The following FERMT3 variants were observed in gnomAD, a reference collection of about 807,000 sequenced individuals.
FERMT3 encodes the protein FERM domain containing kindlin 3.
In FERMT3, 33 loss-of-function variants were observed where a neutral mutation model predicts 80.8. The observed-to-expected ratio is 0.41, with a 90% CI of 0.31 to 0.55. The LOEUF is 0.55. FERMT3 is among the 20% of genes least tolerant of loss of function. FERMT3 has a pLI of 0.31. For missense variants in FERMT3, 754 were observed against 908.7 expected (o/e 0.83, Z 2.19); for synonymous variants, 375 against 372.2 (o/e 1.01, Z -0.09).
chr11:64,222,956 G>A, intron 13 of FERMT3, 92 bp from the exon 14 acceptor site: 1 of 1,561,132 alleles, frequency 6.4e-7, no homozygotes. Flanking sequence ...CAGTCGGGAA[G>A]GGCTGGCTCT....
chr11:64,216,522 C>A (rs1259863895), intron 6 of FERMT3, among the ~76,000 whole-genome samples: 1 of 138,564 alleles, frequency 7.2e-6, no homozygotes, highest in African/African-American at 2.6e-5. Context: ...TTTCGCCGGG[C>A]GCGGTGGCTC....
intron 6 of FERMT3, among the ~76,000 whole-genome samples, chr11:64,216,632 T>TA (rs1946557197): frequency 6.7e-6 from 1 of 150,264 alleles, no homozygotes; most frequent in Non-Finnish European, 1.5e-5. Context: ...CTGTCTCTAC[T>TA]AAAAATACAA....
In FERMT3 at chr11:64,219,823, G is replaced by A; in HGVS notation, c.1079+34G>A. 1.9e-6 allele frequency: 3 copies of A among 1,614,012 alleles called. No individual in the cohort carries two copies. The highest frequency in any genetic ancestry group is 2.5e-6 in the Non-Finnish European group (3 of 1,180,022). On this transcript the variant is annotated intron_variant, in intron 9 of 14. Coordinates refer to ENST00000345728, the MANE Select transcript of FERMT3 (RefSeq NM_031471.6). The surrounding 1 kb of genome is among the most constrained non-coding windows in gnomAD (Gnocchi z 4.0). ...GGGGCCAGAGTAGGCAGCCCTGCTG[G>A]AGGGGTTGGTCTGCATATGGAGGGA...
chr11:64,220,887 TGGC>T (rs1742308620), intron 12 of FERMT3, 126 bp from the exon 13 acceptor site: 2 of 1,521,770 alleles, frequency 1.3e-6, no homozygotes, highest in South Asian at 1.2e-5. Flanking sequence ...ATCTGCACCT[TGGC>T]GGCCCCACGT....
At chr11:64,208,026 C>A (rs1424676723) in intron 2 of FERMT3, 1 of 153,632 alleles carries the variant, frequency 6.5e-6, no homozygotes, top group African/African-American at 2.4e-5. Flanking sequence ...TCCTCATCTT[C>A]CTTCCCTGCC....
chr11:64,211,077 C>T lies in FERMT3; in HGVS notation c.420C>T (p.Ser140=), dbSNP rs946464170. 4 of 1,590,220 alleles carry T rather than the reference C, an allele frequency of 2.5e-6. No individual in the cohort carries two copies. Among genetic ancestry groups the T allele is most frequent in the African/African-American group, 2.7e-5 (2 of 74,228 alleles). ...LLSIRHPEEL[S]LLRAPEKKEK... ...GCATCCGGCACCCCGAGGAGCTGTC[C>T]CTGCTCCGGGCTCCTGAGAAGAAGG... Residue 140 remains serine (S), a synonymous_variant, in exon 4 of 15, where the codon TCC becomes TCT. Transcript: ENST00000345728. The surrounding 1 kb of genome is among the most constrained non-coding windows in gnomAD (Gnocchi z 4.7).
chr11:64,220,918 A>G, intron 12 of FERMT3, 98 bp from the exon 13 acceptor site: 1 of 1,564,892 alleles, frequency 6.4e-7, no homozygotes. Context: ...GCCCCTTCCC[A>G]GGCTCACATG....
intron 12 of FERMT3, 161 bp from the exon 13 acceptor site, chr11:64,220,855 C>A: frequency 7.0e-7 from 1 of 1,425,344 alleles, no homozygotes; most frequent in Non-Finnish European, 9.7e-7. Context: ...CCATGTCCAC[C>A]TTGCAGCCTG....
intron 6 of FERMT3, among the ~76,000 whole-genome samples, chr11:64,216,403 A>G (rs1456455450): frequency 4.1e-5 from 6 of 144,798 alleles, no homozygotes; most frequent in African/African-American, 1.5e-4. Flanking sequence ...GTTTCACCAC[A>G]TTGGCCAGGC....
At position 64,223,162 on chromosome 11, in the gene FERMT3, G is replaced by A. The variant is rs1946754505; in HGVS notation, c.1785G>A (p.Gln595=). ...CCTGGCGTTTCAGCAACATGCGCCA[G>A]TGGAATGTCAACTGGGACATCCGGC... The part of the protein sequence containing the change: ...VKTWRFSNMR[Q]WNVNWDIRQV... Residue 595 remains glutamine, a synonymous_variant, in exon 14 of 15, where the codon CAG becomes CAA. Transcript: ENST00000345728. 1 of 1,613,786 alleles carries A rather than the reference G, an allele frequency of 6.2e-7. No homozygotes were observed. Among genetic ancestry groups the A allele is most frequent in the Non-Finnish European group, 8.5e-7 (1 of 1,180,056 alleles).
Position 64,211,526 on chromosome 11 carries a change from A to T in FERMT3, c.683+83A>T, listed in dbSNP as rs1946439472. 26 of 1,510,314 alleles carry T rather than the reference A, an allele frequency of 1.7e-5. No homozygotes were observed. In the South Asian group the frequency reaches 3.1e-4, roughly 18 times the overall value. The allele number at this position is 1,510,314 out of a possible 1,614,324, so 93.6% of individuals were successfully genotyped here. On this transcript the variant is annotated intron_variant, in intron 5 of 14. Coordinates refer to ENST00000345728, the MANE Select transcript of FERMT3 (RefSeq NM_031471.6). This position sits in a 1 kb window ranked among gnomAD's most constrained non-coding sequence, Gnocchi z 4.7. ...TGTCCCGTGTCTGTGCCCACCCCAG[A>T]TCCACACTTCGTTTCCAGGCCTTTT...
rs759997761 is a variant in FERMT3 at position 64,207,426 on chromosome 11, T to C, written c.62T>C (p.Phe21Ser). 2 of 1,613,990 alleles carry C rather than the reference T, an allele frequency of 1.2e-6. No individual in the cohort carries two copies. The highest frequency in any genetic ancestry group is 1.1e-5 in the South Asian group (1 of 91,070). ...YIDSSWELRV[F>S]VGEEDPEAES... ...GACTCGTCATGGGAGCTGCGGGTGT[T>C]TGTGGGAGAGGAGGACCCAGAGGCC... The change falls in exon 2 of 15, where the codon TTT (phenylalanine) becomes TCT (serine). Residue 21 changes from phenylalanine to serine, a missense_variant. By Grantham distance (155) the Phe-to-Ser change is radical. Transcript: ENST00000345728.
At chr11:64,221,430 A>G (rs1946678628) in intron 13 of FERMT3, among the ~76,000 whole-genome samples, 2 of 151,586 alleles carry the variant, frequency 1.3e-5, no homozygotes, top group South Asian at 4.2e-4. Flanking sequence ...GGAGTTTGAG[A>G]CCAGCCTGGG....
At position 64,207,395 on chromosome 11, in the gene FERMT3, T is replaced by A. The variant is rs1484455414; in HGVS notation, c.31T>A (p.Tyr11Asn). The A allele has an allele frequency of 6.2e-6, 10 of 1,614,034 alleles. 1 individual carries two copies. The Admixed American group carries it at 1.7e-4, about 27-fold the overall frequency. ...GGGGATGAAGACAGCCTCCGGGGACTACATCGACTCGTCATGGGAGCTGCG... is the reference window on the plus strand; with the variant it reads ...GGGGATGAAGACAGCCTCCGGGGACAACATCGACTCGTCATGGGAGCTGCG... MAGMKTASGDYIDSSWELRVF... is the reference protein window; with the variant it reads MAGMKTASGDNIDSSWELRVF... Residue 11 changes from tyrosine to asparagine, a missense_variant, in exon 2 of 15, where the codon TAC (tyrosine) becomes AAC (asparagine). Physicochemically the swap from Tyr to Asn is moderately radical, Grantham distance 143 (BLOSUM62 -2). Coordinates refer to ENST00000345728, the MANE Select transcript of FERMT3 (RefSeq NM_031471.6).
chr11:64,219,684 T>C lies in FERMT3; in HGVS notation c.1029+26T>C. 1 of 1,613,810 alleles carries C rather than the reference T, an allele frequency of 6.2e-7. No individual in the cohort carries two copies. The highest frequency in any genetic ancestry group is 8.5e-7 in the Non-Finnish European group (1 of 1,179,964). On this transcript the variant is annotated intron_variant, in intron 8 of 14. Coordinates refer to ENST00000345728, the MANE Select transcript of FERMT3 (RefSeq NM_031471.6). This position sits in a 1 kb window ranked among gnomAD's most constrained non-coding sequence, Gnocchi z 4.0. ...GTGAGGAGGGGCTCAGGGCAGGGGCTGGGCAGGGAGAACTGTGAGGTACCG... is the reference window on the plus strand; with the variant it reads ...GTGAGGAGGGGCTCAGGGCAGGGGCCGGGCAGGGAGAACTGTGAGGTACCG...
intron 6 of FERMT3, among the ~76,000 whole-genome samples, chr11:64,217,678 G>A (rs1189841758): frequency 1.3e-5 from 2 of 152,194 alleles, no homozygotes; most frequent in African/African-American, 4.8e-5. Context: ...TCTGCCAGGT[G>A]TCTCCTTGCC....
Position 64,219,412 on chromosome 11 carries a change from G to A in FERMT3, c.894+54G>A, listed in dbSNP as rs1946623441. On this transcript the variant is annotated intron_variant, in intron 7 of 14. Transcript: ENST00000345728. This position sits in a 1 kb window ranked among gnomAD's most constrained non-coding sequence, Gnocchi z 4.0. Reference sequence around the variant, plus strand: ...CAGGTGGGAGGTGAGCCAGTCCCAGGGCAGGAAGGGCCTTCCTGAGTGGGG... The same window carrying A: ...CAGGTGGGAGGTGAGCCAGTCCCAGAGCAGGAAGGGCCTTCCTGAGTGGGG... 9 of 1,563,084 alleles carry A rather than the reference G, an allele frequency of 5.8e-6. No individual in the cohort carries two copies. Among genetic ancestry groups the A allele is most frequent in the Non-Finnish European group, 6.9e-6 (8 of 1,154,040 alleles).
intron 13 of FERMT3, 81 bp downstream of exon 13, chr11:64,221,221 A>G (rs1946674941): frequency 6.8e-7 from 1 of 1,467,974 alleles, no homozygotes; most frequent in Non-Finnish European, 9.4e-7. Context: ...CCACATCCCA[A>G]GAGTAGGTTC....
chr11:64,210,954 C>A lies in FERMT3; in HGVS notation c.395-98C>A, dbSNP rs1432743331. On this transcript the variant is annotated intron_variant, in intron 3 of 14. Coordinates refer to ENST00000345728, the MANE Select transcript of FERMT3 (RefSeq NM_031471.6). This position sits in a 1 kb window ranked among gnomAD's most constrained non-coding sequence, Gnocchi z 4.3. ...GCTGTCCTTGCTGTCTGGGTTGCCA[C>A]CCTGCCTGCAGGGCTGTGACCCGCC... 24 of 1,606,976 alleles carry A rather than the reference C, an allele frequency of 1.5e-5. No individual in the cohort carries two copies. Among genetic ancestry groups the A allele is most frequent in the Non-Finnish European group, 2.0e-5 (23 of 1,177,094 alleles).
Sources: allele counts gnomAD v4.1 joint callset (sites outside exome capture counted in the v4.1 genomes callset), GRCh38; gene constraint gnomAD v4.1.1; non-coding constraint Gnocchi (gnomAD v3.1); transcripts MANE v1.5; gene names NCBI Gene and HGNC (gene_info 2026-07-23, HGNC 2026-07-21).